Variants in SLC7A4 observed in about 807,000 individuals in gnomAD.
SLC7A4 encodes the protein cationic amino acid transporter 4.
SLC7A4 carries 30 observed loss-of-function variants against 37.8 expected under a neutral mutation model. The observed-to-expected ratio is 0.79, with a 90% CI of 0.59 to 1.08. The LOEUF (loss-of-function observed/expected upper bound fraction) is 1.08. SLC7A4 is among the 50% of genes least tolerant of loss of function. SLC7A4 has a pLI of 0.00. For missense variants in SLC7A4, 839 were observed against 843.2 expected, an observed-to-expected ratio of 1.00 and a Z score of 0.06; for synonymous variants, 359 against 376.5, an observed-to-expected ratio of 0.95 and a Z score of 0.54.
At chr22:21,030,548 G>A (rs1928851452) in intron 2 of SLC7A4, among the ~76,000 whole-genome samples, 197 bp from the exon 3 acceptor site, 1 of 152,190 alleles carries the variant, frequency 6.6e-6, no homozygotes, top group African/African-American at 2.4e-5. Context: ...TTAGGTCACA[G>A]GCCCACTGGA....
rs141011552 is a variant in SLC7A4 at position 21,031,530 on chromosome 22, G to A, written c.283C>T (p.Arg95Cys). Residue 95 changes from arginine (R) to cysteine (C), a missense_variant, in exon 2 of 5, where the codon CGT becomes TGT. By Grantham distance (180) the Arg-to-Cys change is radical. Coordinates refer to ENST00000382932, the MANE Select transcript of SLC7A4 (RefSeq NM_004173.3). ...TAGGCAGAGCCCGTGCGTGGCACACGTGCCCCAAATTCTGCATAGCATAGG... is the reference window on the plus strand; with the variant it reads ...TAGGCAGAGCCCGTGCGTGGCACACATGCCCCAAATTCTGCATAGCATAGG... Reference protein sequence around the residue: ...AALCYAEFGARVPRTGSAYLF... With the variant: ...AALCYAEFGACVPRTGSAYLF... 578 of 1,610,514 alleles carry A rather than the reference G, an allele frequency of 3.6e-4. No homozygotes were observed. Among genetic ancestry groups the A allele is most frequent in the Non-Finnish European group, 4.6e-4 (538 of 1,179,104 alleles).
Position 21,031,203 on chromosome 22 carries a change from G to T in SLC7A4, c.610C>A (p.Leu204Ile). The T allele has an allele frequency of 6.2e-7, 1 of 1,613,944 alleles. No homozygotes were observed. The highest frequency in any genetic ancestry group is 8.5e-7 in the Non-Finnish European group (1 of 1,179,938). ...AGGATGACAATGAAGAGAATGACAA[G>T]CAGGCTGATGGCCGAGAAGGTGTGA... The part of the protein sequence containing the change: ...LNHTFSAISL[L>I]VILFIVILGF... Residue 204 changes from leucine (L) to isoleucine (I), a missense_variant, in exon 2 of 5, where the codon CTT becomes ATT. Physicochemically the swap from Leu to Ile is conservative, Grantham distance 5 (BLOSUM62 2). Coordinates refer to ENST00000382932, the MANE Select transcript of SLC7A4 (RefSeq NM_004173.3).
chr22:21,030,374 G>A (rs1222277008), intron 2 of SLC7A4, 23 bp from the exon 3 acceptor site: 2 of 1,574,696 alleles, frequency 1.3e-6, no homozygotes, highest in African/African-American at 2.7e-5. Context: ...GAGTGGGGAG[G>A]GTCAGCATGG....
chr22:21,032,225 G>GCCGGAC (rs1483772324), intron 1 of SLC7A4, among the ~76,000 whole-genome samples: 1 of 152,308 alleles, frequency 6.6e-6, no homozygotes. Flanking sequence ...CCAGAGTCGA[G>GCCGGAC]CCGGACCCGG....
rs1928832729 is a variant in SLC7A4 at position 21,030,081 on chromosome 22, GA to G, written c.1252del (p.Ser418ProfsTer14). The G allele has an allele frequency of 6.2e-7, 1 of 1,612,270 alleles. No individual in the cohort carries two copies. Among genetic ancestry groups the G allele is most frequent in the Non-Finnish European group, 8.5e-7 (1 of 1,179,290 alleles). On this transcript the variant is annotated frameshift_variant, in exon 3 of 5. Coordinates refer to ENST00000382932, the MANE Select transcript of SLC7A4 (RefSeq NM_004173.3). LOFTEE classifies it high-confidence loss of function. ...SIIVLRFQKS[S>X]PPSSPGPASP... ...GGCTGGGCCTGGGGAGCTGGGCGGG[GA>G]AGACTTCTGGAAGCGCAGCACAATG... is the stretch of plus-strand genomic sequence containing the variant.
chr22:21,030,348 A>T lies in SLC7A4; in HGVS notation c.986T>A (p.Met329Lys). Residue 329 changes from methionine to lysine, a missense_variant, in exon 3 of 5, where the codon ATG (methionine) becomes AAG (lysine). Transcript: ENST00000382932. The stretch of plus-strand genomic sequence containing the variant: ...GAGGAGGCTGAGCAGGACGGTGTTC[A>T]TGGCTGTAGCAGAGAGAGTGGGGAG... The part of the protein sequence containing the change: ...FIVAAGSICA[M>K]NTVLLSLLFS... 1 of 1,600,604 alleles carries T rather than the reference A, an allele frequency of 6.2e-7. No individual in the cohort carries two copies. The highest frequency in any genetic ancestry group is 1.1e-5 in the South Asian group (1 of 89,612).
At position 21,029,034 on chromosome 22, in the gene SLC7A4, G is replaced by A. The variant is rs1316498496; in HGVS notation, c.*21C>T. ...CCTCCCAAGCAGGTGTGGGAGGGCG[G>A]GGCAAGTGTGGGCTGATCAGCTACT... is the stretch of plus-strand genomic sequence containing the variant. On this transcript the variant is annotated 3_prime_UTR_variant, in exon 5 of 5. Coordinates refer to ENST00000382932, the MANE Select transcript of SLC7A4 (RefSeq NM_004173.3). The A allele has an allele frequency of 6.3e-7, 1 of 1,579,742 alleles. No individual in the cohort carries two copies. Among genetic ancestry groups the A allele is most frequent in the Non-Finnish European group, 8.6e-7 (1 of 1,163,860 alleles).
chr22:21,032,148 G>T lies in SLC7A4; in HGVS notation c.-40-296C>A, dbSNP rs1466553715. ...GGTGGGGAGGGAGCAGCTCCAGGGGGAGCAGGGTGAGAGGCTGGGAACGGC... is the reference window on the plus strand; with the variant it reads ...GGTGGGGAGGGAGCAGCTCCAGGGGTAGCAGGGTGAGAGGCTGGGAACGGC... On this transcript the variant is annotated intron_variant, in intron 1 of 4. Coordinates refer to ENST00000382932, the MANE Select transcript of SLC7A4 (RefSeq NM_004173.3). Among the ~76,000 whole-genome samples the T allele has an allele frequency of 3.9e-5, 6 of 152,310 alleles. No individual in the cohort carries two copies. The East Asian group carries it at 1.2e-3, about 29-fold the overall frequency.
intron 1 of SLC7A4, among the ~76,000 whole-genome samples, chr22:21,032,105 C>G (rs967429797): frequency 2.8e-5 from 4 of 140,674 alleles, no homozygotes; most frequent in African/African-American, 1.0e-4. Flanking sequence ...CCTGCTCACC[C>G]GCTCGGTGGC....
chr22:21,032,102 A>AC (rs894513025), intron 1 of SLC7A4, among the ~76,000 whole-genome samples: 1 of 151,718 alleles, frequency 6.6e-6, no homozygotes, highest in African/African-American at 2.4e-5. Flanking sequence ...CCACCTGCTC[A>AC]CCCGCTCGGT....
chr22:21,030,726 G>T, intron 2 of SLC7A4, 105 bp downstream of exon 2: 1 of 1,317,458 alleles, frequency 7.6e-7, no homozygotes. Context: ...GCCCCATTAT[G>T]CAACTAGTAA....
In SLC7A4 at chr22:21,030,051, GGGCT is replaced by G; in HGVS notation, c.1279_1282del (p.Ser427LeufsTer4). ...GCTCTGCTGCTTGGTCAGGGGGCCA[GGGCT>G]GGCTGGGCCTGGGGAGCTGGGCGGG... is the stretch of plus-strand genomic sequence containing the variant. On this transcript the variant is annotated frameshift_variant, in exon 3 of 5. Coordinates refer to ENST00000382932, the MANE Select transcript of SLC7A4 (RefSeq NM_004173.3). LOFTEE classifies it high-confidence loss of function. 2 of 1,611,236 alleles carry G rather than the reference GGGCT, an allele frequency of 1.2e-6. No homozygotes were observed. Among genetic ancestry groups the G allele is most frequent in the Non-Finnish European group, 1.7e-6 (2 of 1,179,418 alleles).
At position 21,030,007 on chromosome 22, in the gene SLC7A4, G is replaced by A. The variant is rs1045211304; in HGVS notation, c.1327C>T (p.Gln443Ter). 5 of 1,613,634 alleles carry A rather than the reference G, an allele frequency of 3.1e-6. No individual in the cohort carries two copies. The African/African-American group carries it at 5.3e-5, about 17-fold the overall frequency. The change falls in exon 3 of 5, where the codon CAG becomes TAG. Residue 443 changes from glutamine (Q) to a stop codon, truncating the protein, a stop_gained. Transcript: ENST00000382932. LOFTEE classifies it high-confidence loss of function. ...KQQSSFSDHL[Q>*]LVGTVHASVP... is the part of the protein sequence containing the mutation. ...GAGGCGTGTACAGTGCCCACCAGCT[G>A]TAGGTGGTCTGAGAAGGAGCTCTGC...
chr22:21,031,949 C>G (rs1928901715), intron 1 of SLC7A4, 97 bp from the exon 2 acceptor site: 1 of 851,556 alleles, frequency 1.2e-6, no homozygotes, highest in Non-Finnish European at 1.6e-6. Flanking sequence ...CTCTCTGTCC[C>G]TGACCTGGGG....
In SLC7A4 at chr22:21,031,564, C is replaced by CA. The variant is rs1928886176; in HGVS notation, c.248dup (p.Leu84AlafsTer71). ...ATTCTGCATAGCATAGGGCTGCCAG[C>CA]AGGGAGGCCACAGCGGCCACACCGA... is the stretch of plus-strand genomic sequence containing the variant. On this transcript the variant is annotated frameshift_variant, in exon 2 of 5. Transcript: ENST00000382932. LOFTEE classifies it high-confidence loss of function. 1 of 1,608,344 alleles carries CA rather than the reference C, an allele frequency of 6.2e-7. No individual in the cohort carries two copies. Among genetic ancestry groups the CA allele is most frequent in the African/African-American group, 1.3e-5 (1 of 75,010 alleles).
Position 21,030,997 on chromosome 22 carries a change from G to A in SLC7A4, c.816C>T (p.Ile272=), listed in dbSNP as rs537854842. Residue 272 remains isoleucine (I), a synonymous_variant, in exon 2 of 5, where the codon ATC becomes ATT. Transcript: ENST00000382932. The stretch of plus-strand genomic sequence containing the variant: ...CAGCTGCAATGGCAAGCGAGATGGC[G>A]ATGGCCAGAGGCACAGACCGCCGTG... The part of the protein sequence containing the change: ...QNPRRSVPLA[I]AISLAIAAGA... The A allele has an allele frequency of 6.8e-6, 11 of 1,614,100 alleles. No homozygotes were observed. The African/African-American group carries it at 9.3e-5, about 14-fold the overall frequency.
Position 21,030,929 on chromosome 22 carries a change from G to C in SLC7A4, c.884C>G (p.Pro295Arg), listed in dbSNP as rs756028376. The change falls in exon 2 of 5, where the codon CCC becomes CGC. Residue 295 changes from proline (P) to arginine (R), a missense_variant. By Grantham distance (103) the Pro-to-Arg change is moderately radical. Transcript: ENST00000382932. The stretch of plus-strand genomic sequence containing the variant: ...TGAGTCGGGGTCCAGGCTGTGCCAG[G>C]GCACCATGAGGGTTAGCACGGTGGA... Reference protein sequence around the residue: ...LVSTVLTLMVPWHSLDPDSAL... With the variant: ...LVSTVLTLMVRWHSLDPDSAL... 5 of 1,614,020 alleles carry C rather than the reference G, an allele frequency of 3.1e-6. No homozygotes were observed. The East Asian group carries it at 1.1e-4, about 36-fold the overall frequency.
Position 21,030,299 on chromosome 22 carries a change from A to C in SLC7A4, c.1035T>G (p.Tyr345Ter). ...AGAAGAGCCCATCGGCGGCCATGGC[A>C]TAGACAATGCGTGGCAGGGAGAAGA... is the stretch of plus-strand genomic sequence containing the variant. ...SLLFSLPRIV[Y>*]AMAADGLFFQ... Residue 345 changes from tyrosine (Y) to a stop codon, truncating the protein, a stop_gained, in exon 3 of 5, where the codon TAT becomes TAG. Coordinates refer to ENST00000382932, the MANE Select transcript of SLC7A4 (RefSeq NM_004173.3). LOFTEE classifies it high-confidence loss of function. The C allele has an allele frequency of 6.2e-7, 1 of 1,613,088 alleles. No individual in the cohort carries two copies. The highest frequency in any genetic ancestry group is 2.2e-5 in the East Asian group (1 of 44,822).
At chr22:21,032,242 A>G (rs1317880635) in intron 1 of SLC7A4, among the ~76,000 whole-genome samples, 1 of 152,128 alleles carries the variant, frequency 6.6e-6, no homozygotes, top group South Asian at 2.1e-4. Flanking sequence ...CCGGAACAGG[A>G]GCCGCGGCTC....
Sources: allele counts gnomAD v4.1 joint callset (sites outside exome capture counted in the v4.1 genomes callset), GRCh38; gene constraint gnomAD v4.1.1; transcripts MANE v1.5; gene names NCBI Gene and HGNC (gene_info 2026-07-23, HGNC 2026-07-21).